CSMD2: variants seen among roughly 807,000 people sequenced by gnomAD.
CSMD2 encodes the protein CUB and Sushi multiple domains 2.
A neutral mutation model predicts 398.5 loss-of-function variants in CSMD2; 130 were observed. The ratio of observed to expected loss-of-function variants is 0.33; its 90% confidence interval spans 0.28 to 0.38. The LOEUF is 0.38. CSMD2 is among the 10% of genes least tolerant of loss of function. CSMD2 has a pLI of 1.00. For synonymous variants in CSMD2, 1,828 were observed against 1,908.5 expected (o/e 0.96, Z 1.10); for missense variants, 3,829 against 4,764.9 (o/e 0.80, Z 5.78).
At chr1:33,951,215 T>C (rs1570606411) in intron 3 of CSMD2, among the ~76,000 whole-genome samples, 1 of 152,222 alleles carries the variant, frequency 6.6e-6, no homozygotes, top group African/African-American at 2.4e-5. Flanking sequence ...CCTTGAGCAA[T>C]GAGACAAGAA....
At position 33,514,253 on chromosome 1, in the gene CSMD2, C is replaced by T. The variant is rs954939600; in HGVS notation, c.*2371G>A. The T allele has an allele frequency of 1.3e-5, 2 of 148,628 alleles. No individual in the cohort carries two copies. Among genetic ancestry groups the T allele is most frequent in the Admixed American group, 6.7e-5 (1 of 14,866 alleles). The allele number at this position is 148,628 out of a possible 1,614,324, so 9.2% of individuals were successfully genotyped here. A position where few individuals can be genotyped will look rare whatever the true frequency, so the allele number is the denominator to read the frequency against. The stretch of plus-strand genomic sequence containing the variant: ...AAAAAAGGCTTCCACTACCGTTTAC[C>T]TACAATAATGAAAAAAAAATTTACA... On this transcript the variant is annotated 3_prime_UTR_variant, in exon 71 of 71. Coordinates refer to ENST00000373381, the MANE Select transcript of CSMD2 (RefSeq NM_001281956.2).
At position 33,536,752 on chromosome 1, in the gene CSMD2, C is replaced by T. The variant is rs542613790; in HGVS notation, c.9879+270G>A. 2.6e-4 allele frequency among the ~76,000 whole-genome samples: 40 copies of T among 152,358 alleles called. No individual in the cohort carries two copies. The East Asian group carries it at 7.3e-3, about 28-fold the overall frequency. The stretch of plus-strand genomic sequence containing the variant: ...ACTCATTTCCGTATTTCCACAACCA[C>T]CCTGCCTGGGGTTGCCGGGAAGTGT... On this transcript the variant is annotated intron_variant, in intron 62 of 70. Coordinates refer to ENST00000373381, the MANE Select transcript of CSMD2 (RefSeq NM_001281956.2).
chr1:34,116,770 A>G (rs372883031), intron 1 of CSMD2, among the ~76,000 whole-genome samples: 2 of 152,268 alleles, frequency 1.3e-5, no homozygotes, highest in Admixed American at 6.5e-5. Flanking sequence ...CAAATTCAAG[A>G]AGATTAAAAT....
intron 58 of CSMD2, among the ~76,000 whole-genome samples, chr1:33,541,595 T>C (rs1222860517): frequency 6.6e-6 from 1 of 152,186 alleles, no homozygotes; most frequent in African/African-American, 2.4e-5. Flanking sequence ...GCCTTCTGAG[T>C]AGCTGGGACT....
chr1:33,712,280 T>C (rs767163379), intron 21 of CSMD2, among the ~76,000 whole-genome samples: 3 of 151,954 alleles, frequency 2.0e-5, no homozygotes, highest in Non-Finnish European at 4.4e-5. Context: ...CTCTTCTACA[T>C]CAAATTCAGG....
At chr1:33,663,735 C>T (rs1234043432) in intron 25 of CSMD2, among the ~76,000 whole-genome samples, 2 of 152,168 alleles carry the variant, frequency 1.3e-5, no homozygotes, top group African/African-American at 2.4e-5. Flanking sequence ...CAAGGGAGCT[C>T]AAGTAGTAAC....
intron 43 of CSMD2, among the ~76,000 whole-genome samples, chr1:33,601,722 T>C (rs949695825): frequency 2.6e-5 from 4 of 152,236 alleles, no homozygotes; most frequent in Non-Finnish European, 5.9e-5. Context: ...ATTCCCAATG[T>C]AAAATTAACT....
intron 25 of CSMD2, among the ~76,000 whole-genome samples, chr1:33,673,287 C>A (rs575872730): frequency 7.9e-5 from 12 of 152,286 alleles, no homozygotes; most frequent in Admixed American, 3.3e-4. Flanking sequence ...GTGCTGAAAA[C>A]CACGGCACGA....
At chr1:33,784,644 G>A (rs1653291754) in intron 12 of CSMD2, among the ~76,000 whole-genome samples, 1 of 152,198 alleles carries the variant, frequency 6.6e-6, no homozygotes, top group Non-Finnish European at 1.5e-5. Flanking sequence ...GCCCTAGGTG[G>A]GGAGTGCTGG....
chr1:33,843,426 G>A (rs1426914765), intron 6 of CSMD2, among the ~76,000 whole-genome samples: 5 of 152,122 alleles, frequency 3.3e-5, no homozygotes, highest in African/African-American at 1.2e-4. Context: ...GTTTATCTGG[G>A]AAAAAATCTC....
At chr1:33,990,591 T>C (rs1646518534) in intron 3 of CSMD2, among the ~76,000 whole-genome samples, 1 of 152,080 alleles carries the variant, frequency 6.6e-6, no homozygotes, top group African/African-American at 2.4e-5. Flanking sequence ...GGGGAGAGGC[T>C]ATGAAGAGGA....
intron 5 of CSMD2, among the ~76,000 whole-genome samples, chr1:33,913,026 C>T (rs563607895): frequency 7.1e-4 from 108 of 152,052 alleles, no homozygotes; most frequent in Admixed American, 5.8e-3. Context: ...TGCCCAGGCT[C>T]ATCTTGAACT....
rs768009690 is a variant in CSMD2 at position 33,626,524 on chromosome 1, C to G, written c.5258G>C (p.Gly1753Ala). The G allele has an allele frequency of 4.4e-6, 7 of 1,607,436 alleles. No homozygotes were observed. Among genetic ancestry groups the G allele is most frequent in the Non-Finnish European group, 5.9e-6 (7 of 1,177,518 alleles). The change falls in exon 33 of 71, where the codon GGC becomes GCC. Residue 1753 changes from glycine to alanine, a missense_variant. Physicochemically the swap from Gly to Ala is moderately conservative, Grantham distance 60. Transcript: ENST00000373381. ...GTGGAAGCCTCTGGCTGGTGCGAGG[C>G]CTTTGGCGCTGAACTTAATGAGAAC... is the stretch of plus-strand genomic sequence containing the variant. The part of the protein sequence containing the change: ...NQVLIKFSAK[G>A]LAPARGFHFV...
chr1:33,953,038 A>G (rs1420749526), intron 3 of CSMD2, among the ~76,000 whole-genome samples: 1 of 152,156 alleles, frequency 6.6e-6, no homozygotes, highest in Non-Finnish European at 1.5e-5. Context: ...CCAAAATTCC[A>G]TCTTCCCTTC....
At chr1:34,134,103 C>T (rs1638462348) in intron 1 of CSMD2, among the ~76,000 whole-genome samples, 2 of 145,846 alleles carry the variant, frequency 1.4e-5, no homozygotes, top group Admixed American at 1.4e-4. Flanking sequence ...GGCAGCCAAA[C>T]AGGCAGAAAT....
At chr1:33,742,590 C>CCA (rs370965405) in intron 14 of CSMD2, among the ~76,000 whole-genome samples, 3 of 124,644 alleles carry the variant, frequency 2.4e-5, no homozygotes, top group African/African-American at 8.8e-5. Context: ...CCCCCCCCCC[C>CCA]AACCCCCTCT....
chr1:34,039,880 T>C (rs1972830), intron 2 of CSMD2, among the ~76,000 whole-genome samples: 67,555 of 151,938 alleles, frequency 0.44, 16,829 homozygotes, highest in Non-Finnish European at 0.57. Context: ...AGGCCAGGCA[T>C]AGTGGCTCAC....
chr1:33,652,522 T>C (rs2148968744), intron 27 of CSMD2, 61 bp from the exon 28 acceptor site: 1 of 1,589,990 alleles, frequency 6.3e-7, no homozygotes, highest in Admixed American at 1.7e-5. Context: ...TTTTCATGGG[T>C]GTTGCTAATG....
At chr1:33,832,037 A>T (rs1432593903) in intron 6 of CSMD2, among the ~76,000 whole-genome samples, 7 of 151,276 alleles carry the variant, frequency 4.6e-5, no homozygotes, top group Admixed American at 3.9e-4. Flanking sequence ...CTACAAAGAG[A>T]CTTAGACTCC....
Sources: allele counts gnomAD v4.1 joint callset (sites outside exome capture counted in the v4.1 genomes callset), GRCh38; gene constraint gnomAD v4.1.1; transcripts MANE v1.5; gene names NCBI Gene and HGNC (gene_info 2026-07-23, HGNC 2026-07-21).